Variants in GLYATL1 observed in about 807,000 individuals in gnomAD.
GLYATL1 encodes the protein glycine-N-acyltransferase like 1, also known as glycine N-acyltransferase-like protein 1.
In GLYATL1, 15 loss-of-function variants were observed where a neutral mutation model predicts 20.0. The ratio of observed to expected loss-of-function variants is 0.75; its 90% CI spans 0.50 to 1.15. GLYATL1 has a LOEUF of 1.15. Ranked by LOEUF, GLYATL1 falls within the 50% of genes most tolerant of loss-of-function variation. The probability of loss-of-function intolerance (pLI) is 0.00; values close to 1 mark genes in which losing one functional copy is unlikely to be tolerated. For missense variants in GLYATL1, 380 were observed against 368.5 expected, an observed-to-expected ratio of 1.03 and a Z score of -0.26; for synonymous variants, 151 against 131.5, an observed-to-expected ratio of 1.15 and a Z score of -1.01.
intron 1 of GLYATL1, among the ~76,000 whole-genome samples, chr11:58,932,580 GA>G (rs1430688590): frequency 6.6e-6 from 1 of 152,160 alleles, no homozygotes; most frequent in Non-Finnish European, 1.5e-5. Flanking sequence ...GCTTTTAGCA[GA>G]AAACCCCTGA....
upstream of GLYATL1, among the ~76,000 whole-genome samples, chr11:58,925,136 T>C (rs1165602646): frequency 6.6e-6 from 1 of 152,182 alleles, no homozygotes; most frequent in African/African-American, 2.4e-5. Context: ...GGTGCTGGTG[T>C]ACTGGAAATT....
chr11:58,953,736 G>T (rs1380534806), intron 4 of GLYATL1, among the ~76,000 whole-genome samples: 1 of 152,022 alleles, frequency 6.6e-6, no homozygotes, highest in Non-Finnish European at 1.5e-5. Flanking sequence ...CCATATTCAG[G>T]AACTTGCATT....
intron 1 of GLYATL1, among the ~76,000 whole-genome samples, chr11:58,918,895 T>C (rs917181514): frequency 1.3e-4 from 20 of 152,220 alleles, no homozygotes; most frequent in African/African-American, 4.8e-4. Context: ...CATGGCATTA[T>C]CAGCTGGTTC....
At chr11:58,908,008 T>C (rs1267233753) in exon 2 of GLYATL1, 1 of 153,062 alleles carries the variant, frequency 6.5e-6, no homozygotes, top group East Asian at 1.9e-4. Flanking sequence ...GATAGTTCTT[T>C]TCCTGTTCCT....
In GLYATL1 at chr11:58,943,678, C is replaced by T. The variant is rs1856346980; in HGVS notation, c.-43+12C>T. The T allele has an allele frequency of 6.2e-7, 1 of 1,610,962 alleles. No homozygotes were observed. The highest frequency in any genetic ancestry group is 8.5e-7 in the Non-Finnish European group (1 of 1,178,700). ...GCTGAGGATAATAGGTAAGCTCCCT[C>T]TCGCATTTTGGAGCTTCACACGTTG... is the stretch of plus-strand genomic sequence containing the variant. On this transcript the variant is annotated intron_variant, in intron 2 of 6. Coordinates refer to ENST00000532726, the MANE Select transcript of GLYATL1 (RefSeq NM_001389712.2).
At chr11:58,943,443 T>C (rs1856322105) in intron 1 of GLYATL1, 100 bp from the exon 2 acceptor site, 5 of 1,527,238 alleles carry the variant, frequency 3.3e-6, no homozygotes, top group African/African-American at 1.4e-5. Flanking sequence ...GGAGCCTCGG[T>C]GAATCTGCTG....
At chr11:58,951,013 T>C (rs1856951767) in intron 4 of GLYATL1, among the ~76,000 whole-genome samples, 1 of 152,164 alleles carries the variant, frequency 6.6e-6, no homozygotes, top group Non-Finnish European at 1.5e-5. Context: ...ATTTTATTGA[T>C]GGAGATTTTG....
intron 1 of GLYATL1, among the ~76,000 whole-genome samples, chr11:58,914,441 CT>C (rs1447854935): frequency 6.6e-6 from 1 of 152,232 alleles, no homozygotes; most frequent in East Asian, 1.9e-4. Context: ...AAAGACAGGT[CT>C]TTTTGGTGTT....
chr11:58,921,049 G>A (rs527456094), intron 1 of GLYATL1, among the ~76,000 whole-genome samples: 1 of 152,270 alleles, frequency 6.6e-6, no homozygotes, highest in South Asian at 2.1e-4. Flanking sequence ...CTGAATTAAC[G>A]CTTCTTTGAT....
At position 58,954,793 on chromosome 11, in the gene GLYATL1, A is replaced by C. The variant is rs527324290; in HGVS notation, c.210A>C (p.Ser70=). The change falls in exon 5 of 7, where the codon TCA becomes TCC. Residue 70 remains serine (S), a synonymous_variant. Coordinates refer to ENST00000532726, the MANE Select transcript of GLYATL1 (RefSeq NM_001389712.2). ...QKQEMTDDMD[S]YTNVYRMFSK... The stretch of plus-strand genomic sequence containing the variant: ...AGGAGATGACTGATGACATGGATTC[A>C]TACACAAACGTATATCGTATGTTCT... 78 of 1,607,554 alleles carry C rather than the reference A, an allele frequency of 4.9e-5. 2 individuals carry two copies. The South Asian group carries it at 8.1e-4, about 17-fold the overall frequency.
rs762861954 is a variant in GLYATL1, at chr11:58,955,208, G to C, written c.346G>C (p.Val116Leu). ...LQESLGEGIR[V>L]ATFSKSVKVE... is the part of the protein sequence containing the mutation. ...AGAAAGTTTAGGTGAGGGGATAAGA[G>C]TGGCTACATTTTCAAAGTCAGTGAA... is the stretch of plus-strand genomic sequence containing the variant. Residue 116 changes from valine to leucine, a missense_variant, in exon 6 of 7, where the codon GTG becomes CTG. Transcript: ENST00000532726. 6.2e-7 allele frequency: 1 copy of C among 1,614,048 alleles called. No individual in the cohort carries two copies. Among genetic ancestry groups the C allele is most frequent in the Admixed American group, 1.7e-5 (1 of 60,010 alleles).
intron 2 of GLYATL1, among the ~76,000 whole-genome samples, chr11:58,943,918 C>T (rs756798914): frequency 3.3e-5 from 5 of 151,326 alleles, no homozygotes; most frequent in African/African-American, 4.9e-5. Flanking sequence ...TTTGAAAATT[C>T]ACAGGGATTT....
intron 1 of GLYATL1, among the ~76,000 whole-genome samples, chr11:58,914,580 A>G (rs956933118): frequency 6.6e-6 from 1 of 152,206 alleles, no homozygotes; most frequent in Non-Finnish European, 1.5e-5. Flanking sequence ...AAAATGGTAG[A>G]CAAATCCCTC....
intron 1 of GLYATL1, among the ~76,000 whole-genome samples, chr11:58,920,083 G>A (rs1855272377): frequency 6.6e-6 from 1 of 152,156 alleles, no homozygotes; most frequent in Non-Finnish European, 1.5e-5. Flanking sequence ...TTTCTCTCTA[G>A]AAGGCAGAGC....
At chr11:58,926,184 G>A (rs1855423451), upstream of GLYATL1, among the ~76,000 whole-genome samples, 1 of 152,190 alleles carries the variant, frequency 6.6e-6, no homozygotes, top group Non-Finnish European at 1.5e-5. Flanking sequence ...CCTGTGAGCT[G>A]GCAATCTGGA....
intron 4 of GLYATL1, among the ~76,000 whole-genome samples, chr11:58,951,977 T>C (rs560511886): frequency 1.3e-5 from 2 of 152,282 alleles, no homozygotes; most frequent in Non-Finnish European, 1.5e-5. Flanking sequence ...TGCTGCTGCT[T>C]TGCCAGTATT....
Position 58,955,630 on chromosome 11 carries a change from A to G in GLYATL1, c.512A>G (p.Tyr171Cys), listed in dbSNP as rs967503866. 1 of 1,613,966 alleles carries G rather than the reference A, an allele frequency of 6.2e-7. No individual in the cohort carries two copies. The change falls in exon 7 of 7, where the codon TAT (tyrosine) becomes TGT (cysteine). Residue 171 changes from tyrosine (Y) to cysteine (C), a missense_variant. Physicochemically the swap from Tyr to Cys is radical, Grantham distance 194 (BLOSUM62 -2). Coordinates refer to ENST00000532726, the MANE Select transcript of GLYATL1 (RefSeq NM_001389712.2). ...EFESETPNFK[Y>C]AQLDVSYSGL... ...TACAGTGAAACTCCCAACTTTAAGT[A>G]TGCCCAGCTGGATGTCTCTTATTCT...
intron 2 of GLYATL1, among the ~76,000 whole-genome samples, chr11:58,943,960 CT>C (rs59431757): frequency 0.78 from 112,596 of 144,646 alleles, 44,176 homozygotes; most frequent in Non-Finnish European, 0.86. Flanking sequence ...CTTTTCTTTT[CT>C]TTTTTTTTTT....
Position 58,956,010 on chromosome 11 carries a change from A to G in GLYATL1, c.892A>G (p.Asn298Asp), listed in dbSNP as rs774291939. 5 of 1,610,820 alleles carry G rather than the reference A, an allele frequency of 3.1e-6. No homozygotes were observed. In the Admixed American group the frequency reaches 8.3e-5, roughly 27 times the overall value. ...EWHQWTCYPQ[N>D]LVPF Reference sequence around the variant, plus strand: ...GCACCAATGGACTTGCTACCCACAGAATCTAGTTCCATTTTAGACAATGAA... The same window carrying G: ...GCACCAATGGACTTGCTACCCACAGGATCTAGTTCCATTTTAGACAATGAA... The change falls in exon 7 of 7, where the codon AAT (asparagine) becomes GAT (aspartate). Residue 298 changes from asparagine to aspartate, a missense_variant. Asn to Asp is a conservative substitution (Grantham distance 23). Transcript: ENST00000532726.
Sources: gnomAD v4.1 joint callset for allele counts (sites outside exome capture counted in the v4.1 genomes callset) on GRCh38, gnomAD v4.1.1 for gene constraint, MANE v1.5 for transcripts, NCBI Gene and HGNC (gene_info 2026-07-23, HGNC 2026-07-21) for gene names.